Variants in PNPLA1 observed in about 807,000 individuals in gnomAD.
PNPLA1 encodes the protein patatin like domain 1, omega-hydroxyceramide transacylase, also known as omega-hydroxyceramide transacylase.
PNPLA1 carries 36 observed loss-of-function variants against 51.7 expected under a neutral mutation model. The ratio of observed to expected loss-of-function variants is 0.70; its 90% CI spans 0.53 to 0.92. The LOEUF is 0.92. Ranked by LOEUF, PNPLA1 falls within the 40% of genes least tolerant of loss-of-function variation. PNPLA1 has a pLI of 0.00. For synonymous variants in PNPLA1, 293 were observed against 280.1 expected (o/e 1.05, Z -0.46); for missense variants, 658 against 682.5 (o/e 0.96, Z 0.40).
chr6:36,296,740 T>A (rs1770868773), intron 5 of PNPLA1, among the ~76,000 whole-genome samples: 1 of 152,140 alleles, frequency 6.6e-6, no homozygotes, highest in Non-Finnish European at 1.5e-5. Context: ...GGAGAAAACC[T>A]GGGCCCTGGA....
At chr6:36,274,321 C>T (rs541569279) in intron 1 of PNPLA1, among the ~76,000 whole-genome samples, 22 of 152,156 alleles carry the variant, frequency 1.4e-4, no homozygotes, top group African/African-American at 4.3e-4. Context: ...CTTAACAATG[C>T]GATGTTAAGG....
rs1771085248 is a variant in PNPLA1 at position 36,302,334 on chromosome 6, T to C, written c.1249T>C (p.Ser417Pro). ...PSGSPARSLH[S>P]QAPTSPRPSL... ...TGGATCACCAGCCAGATCCCTACAC[T>C]CTCAGGCACCCACTTCACCCAGGCC... The change falls in exon 6 of 9, where the codon TCT becomes CCT. Residue 417 changes from serine to proline, a missense_variant. Ser to Pro is a moderately conservative substitution (Grantham distance 74). Coordinates refer to ENST00000636260, the MANE Select transcript of PNPLA1 (RefSeq NM_001374623.1). 2 of 1,613,350 alleles carry C rather than the reference T, an allele frequency of 1.2e-6. No homozygotes were observed. Among genetic ancestry groups the C allele is most frequent in the East Asian group, 2.2e-5 (1 of 44,848 alleles).
intron 5 of PNPLA1, among the ~76,000 whole-genome samples, chr6:36,299,335 G>GTT (rs767505825): frequency 0.026 from 1,511 of 58,718 alleles, 94 homozygotes; most frequent in African/African-American, 0.055. Context: ...TTTTTTGTCT[G>GTT]TTTTTTTTTT....
chr6:36,292,606 A>T (rs911807504), intron 2 of PNPLA1, among the ~76,000 whole-genome samples: 5 of 151,812 alleles, frequency 3.3e-5, no homozygotes, highest in African/African-American at 1.2e-4. Context: ...CCTCTTGTGG[A>T]GCCACGGTGC....
In PNPLA1 at chr6:36,312,975, G is replaced by A. The variant is rs1771439193; in HGVS notation, c.*1089G>A. Among the ~76,000 whole-genome samples, 1 of 152,148 alleles carries A rather than the reference G, an allele frequency of 6.6e-6. No individual in the cohort carries two copies. The highest frequency in any genetic ancestry group is 1.5e-5 in the Non-Finnish European group (1 of 68,014). ...CGCTTCCTCTTTCTTGTGGTGGCAGGAGCCCAAGTTCTGGTTGTTTGGTTT... is the reference window on the plus strand; with the variant it reads ...CGCTTCCTCTTTCTTGTGGTGGCAGAAGCCCAAGTTCTGGTTGTTTGGTTT... On this transcript the variant is annotated 3_prime_UTR_variant, in exon 9 of 9. Coordinates refer to ENST00000636260, the MANE Select transcript of PNPLA1 (RefSeq NM_001374623.1).
At chr6:36,258,821 G>C (rs1304898483) in intron 1 of PNPLA1, among the ~76,000 whole-genome samples, 1 of 152,186 alleles carries the variant, frequency 6.6e-6, no homozygotes, top group Admixed American at 6.5e-5. Context: ...GAACTTTTCA[G>C]TGCCTTTAAT....
intron 6 of PNPLA1, among the ~76,000 whole-genome samples, chr6:36,303,301 G>A (rs541264538): frequency 6.6e-5 from 10 of 152,244 alleles, no homozygotes; most frequent in South Asian, 2.1e-4. Flanking sequence ...CACTGTGTTA[G>A]CCAGGATGGT....
intron 5 of PNPLA1, among the ~76,000 whole-genome samples, chr6:36,297,651 CA>C (rs1770898507): frequency 6.6e-6 from 1 of 152,246 alleles, no homozygotes; most frequent in Non-Finnish European, 1.5e-5. Context: ...GGCCTTCTGC[CA>C]AAGGGAATGG....
At chr6:36,252,535 A>G (rs1235826250) in intron 1 of PNPLA1, among the ~76,000 whole-genome samples, 1 of 55,346 alleles carries the variant, frequency 1.8e-5, no homozygotes, top group East Asian at 6.6e-4. Context: ...TACATGGCAA[A>G]AGGGGTCAAA....
At chr6:36,282,249 G>GGAAAGAAAGAAAGAAAGAAAGAAAGAAA (rs61365486) in intron 1 of PNPLA1, among the ~76,000 whole-genome samples, 3 of 111,956 alleles carry the variant, frequency 2.7e-5, no homozygotes, top group African/African-American at 1.0e-4. Context: ...AAAGAAAGAA[G>GGAAAGAAAGAAAGAAAGAAAGAAAGAAA]GAAAGAAAGA....
chr6:36,292,777 A>G (rs574259432), intron 2 of PNPLA1, among the ~76,000 whole-genome samples: 1 of 152,120 alleles, frequency 6.6e-6, no homozygotes, highest in Admixed American at 6.5e-5. Flanking sequence ...ATCCCACTGG[A>G]TTCATGAAAG....
At chr6:36,301,710 G>A (rs1228293203) in intron 5 of PNPLA1, 151 bp from the exon 6 acceptor site, 20 of 1,125,450 alleles carry the variant, frequency 1.8e-5, no homozygotes, top group East Asian at 2.4e-5. Context: ...AAACCATCAC[G>A]TTTGTTTTCA....
At chr6:36,304,424 G>A (rs928336390) in intron 6 of PNPLA1, among the ~76,000 whole-genome samples, 13 of 151,922 alleles carry the variant, frequency 8.6e-5, no homozygotes, top group Admixed American at 4.6e-4. Context: ...TCAGGAGTTC[G>A]AGACCAGCCT....
rs1770810151 is a variant in PNPLA1 at position 36,294,856 on chromosome 6, A to G, written c.714+457A>G. Among the ~76,000 whole-genome samples the G allele has an allele frequency of 6.6e-6, 1 of 152,250 alleles. No homozygotes were observed. Among genetic ancestry groups the G allele is most frequent in the East Asian group, 1.9e-4 (1 of 5,200 alleles). ...TAGGCAGAGACTGCATGTGGCCAGC[A>G]AAGCCCAAAATAAGTATTTACTATC... On this transcript the variant is annotated intron_variant, in intron 4 of 8. Transcript: ENST00000636260. This position sits in a 1 kb window ranked among gnomAD's most constrained non-coding sequence, Gnocchi z 4.2.
chr6:36,303,309 G>A (rs1002445095), intron 6 of PNPLA1, among the ~76,000 whole-genome samples: 1 of 152,116 alleles, frequency 6.6e-6, no homozygotes, highest in African/African-American at 2.4e-5. Context: ...TAGCCAGGAT[G>A]GTCTCAATCT....
At chr6:36,247,488 C>T (rs1769318165) in intron 1 of PNPLA1, among the ~76,000 whole-genome samples, 1 of 152,228 alleles carries the variant, frequency 6.6e-6, no homozygotes. Flanking sequence ...GGGGCTATGT[C>T]CCTGCTGCTC....
At chr6:36,280,523 C>T (rs1770247609) in intron 1 of PNPLA1, among the ~76,000 whole-genome samples, 1 of 152,190 alleles carries the variant, frequency 6.6e-6, no homozygotes. Context: ...GATCCCTGGG[C>T]AGACACAAGC....
intron 1 of PNPLA1, among the ~76,000 whole-genome samples, chr6:36,250,931 T>C (rs1239139914): frequency 6.6e-6 from 1 of 152,192 alleles, no homozygotes; most frequent in East Asian, 1.9e-4. Flanking sequence ...CTCGATCTCC[T>C]GACCTCGTGA....
intron 5 of PNPLA1, among the ~76,000 whole-genome samples, chr6:36,300,178 T>TGTGTGTGTGTGTGAGAGAGA: frequency 1.3e-4 from 13 of 98,138 alleles, no homozygotes; most frequent in African/African-American, 4.3e-4. Flanking sequence ...TGTGTGTGTG[T>TGTGTGTGTGTGTGAGAGAGA]GAGAGAGAGA....
Sources: gnomAD v4.1 joint callset for allele counts (sites outside exome capture counted in the v4.1 genomes callset) on GRCh38, gnomAD v4.1.1 for gene constraint, Gnocchi (gnomAD v3.1) non-coding constraint, MANE v1.5 for transcripts, NCBI Gene and HGNC (gene_info 2026-07-23, HGNC 2026-07-21) for gene names.